The following OSMR variants were observed in gnomAD, a reference collection of about 807,000 sequenced individuals.
The protein encoded by OSMR is oncostatin M receptor, also known as oncostatin-M-specific receptor subunit beta.
Under a neutral mutation model 99.9 loss-of-function variants are expected in OSMR, and 81 were observed. The observed-to-expected ratio is 0.81, with a 90% CI of 0.68 to 0.97. The LOEUF (loss-of-function observed/expected upper bound fraction) is 0.97. Ranked by LOEUF, OSMR falls within the 50% of genes least tolerant of loss-of-function variation. The pLI is 0.00. For missense variants in OSMR, 1,099 were observed against 1,153.4 expected (o/e 0.95, Z 0.68); for synonymous variants, 406 against 410.4 (o/e 0.99, Z 0.13).
intron 10 of OSMR, 90 bp from the exon 11 acceptor site, chr5:38,918,750 G>T: frequency 3.2e-6 from 5 of 1,560,276 alleles, no homozygotes; most frequent in Non-Finnish European, 4.3e-6. Context: ...GTATATAAAG[G>T]AGTTGAGGGA....
chr5:38,887,240 A>AT (rs1171356271), intron 7 of OSMR, among the ~76,000 whole-genome samples: 2 of 152,202 alleles, frequency 1.3e-5, no homozygotes, highest in African/African-American at 2.4e-5. Flanking sequence ...AAAGTTTATC[A>AT]TTTTTAAAGC....
At chr5:38,882,592 A>G (rs1743376821) in intron 4 of OSMR, among the ~76,000 whole-genome samples, 1 of 151,878 alleles carries the variant, frequency 6.6e-6, no homozygotes, top group South Asian at 2.1e-4. Flanking sequence ...CACACCAAAA[A>G]AACAACAGAT....
At chr5:38,888,067 G>T (rs1743909771) in intron 7 of OSMR, among the ~76,000 whole-genome samples, 1 of 152,104 alleles carries the variant, frequency 6.6e-6, no homozygotes, top group African/African-American at 2.4e-5. Context: ...TCCTCCATGC[G>T]AGACAGACGG....
rs1027777362 is a variant in OSMR, at chr5:38,934,869, CTT to C, written c.*1426_*1427del. The C allele has an allele frequency of 7.2e-5, 11 of 152,076 alleles. No individual in the cohort carries two copies. The highest frequency in any genetic ancestry group is 2.2e-4 in the African/African-American group (9 of 41,380). The allele number at this position is 152,076 out of a possible 1,614,324, so 9.4% of individuals were successfully genotyped here. A position where few individuals can be genotyped will look rare whatever the true frequency, so the allele number is the denominator to read the frequency against. ...TTATTTTTTGAGATGAAATTTCGCT[CTT>C]GTTGCCCAGGCTGGAGTGCAATGGT... On this transcript the variant is annotated 3_prime_UTR_variant, in exon 18 of 18. Coordinates refer to ENST00000274276, the MANE Select transcript of OSMR (RefSeq NM_003999.3).
chr5:38,898,496 T>G (rs2112502408), intron 7 of OSMR, among the ~76,000 whole-genome samples: 1 of 152,322 alleles, frequency 6.6e-6, no homozygotes, highest in East Asian at 1.9e-4. Context: ...CTTTATAGGC[T>G]AAGTGCATTT....
intron 14 of OSMR, 23 bp from the exon 15 acceptor site, chr5:38,925,181 A>T: frequency 1.2e-6 from 2 of 1,613,556 alleles, no homozygotes; most frequent in South Asian, 1.1e-5. Flanking sequence ...TCCTTGAAAA[A>T]AAAACCATTT....
intron 13 of OSMR, among the ~76,000 whole-genome samples, chr5:38,923,554 A>G (rs1019346339): frequency 3.7e-4 from 56 of 152,216 alleles, no homozygotes; most frequent in Admixed American, 3.7e-3. Flanking sequence ...ATGAAGTCTT[A>G]AAGATAGGAT....
intron 13 of OSMR, 44 bp downstream of exon 13, chr5:38,923,298 A>C: frequency 3.4e-6 from 4 of 1,193,896 alleles, no homozygotes; most frequent in Non-Finnish European, 3.8e-6. Context: ...AGACTTGTTC[A>C]GAACAATTCA....
At position 38,923,223 on chromosome 5, in the gene OSMR, A is replaced by G; in HGVS notation, c.1839A>G (p.Leu613=). 2.5e-6 allele frequency: 4 copies of G among 1,609,958 alleles called. No homozygotes were observed. The highest frequency in any genetic ancestry group is 3.4e-6 in the Non-Finnish European group (4 of 1,176,278). ...CTACAAAAAGGATTGCTTGTTTATT[A>G]GAGAAAAAAACAGGATACTCTCAGG... is the stretch of plus-strand genomic sequence containing the variant. ...GLSTKRIACL[L]EKKTGYSQEL... is the part of the protein sequence containing the mutation. Residue 613 remains leucine (L), a synonymous_variant, in exon 13 of 18, where the codon TTA becomes TTG. Transcript: ENST00000274276.
intron 8 of OSMR, 109 bp downstream of exon 8, chr5:38,904,133 GGT>G: frequency 3.2e-6 from 5 of 1,549,598 alleles, no homozygotes; most frequent in Non-Finnish European, 4.4e-6. Context: ...AGGTTCAAAT[GGT>G]GTGGGTCATC....
chr5:38,882,160 T>C (rs1307690493), intron 4 of OSMR, among the ~76,000 whole-genome samples: 1 of 152,210 alleles, frequency 6.6e-6, no homozygotes, highest in African/African-American at 2.4e-5. Flanking sequence ...AGATAAGAGA[T>C]AGTATAAGCT....
chr5:38,941,110 T>C (rs1274621713), intron 1 of OSMR: 1 of 232,810 alleles, frequency 4.3e-6, no homozygotes, highest in African/African-American at 2.2e-5. Flanking sequence ...CAAATACCTT[T>C]AGACATATAC....
chr5:38,883,989 A>G lies in OSMR; in HGVS notation c.581A>G (p.His194Arg), dbSNP rs895790017. The G allele has an allele frequency of 1.9e-6, 3 of 1,613,174 alleles. No homozygotes were observed. The highest frequency in any genetic ancestry group is 2.2e-5 in the East Asian group (1 of 44,868). ...KQIHGEQLDP[H>R]VTAFNLNSVP... ...ATTCATGGAGAACAACTTGATCCAC[A>G]TGTAACTGCATTCAACTTGAATAGT... The change falls in exon 5 of 18, where the codon CAT becomes CGT. Residue 194 changes from histidine (H) to arginine (R), a missense_variant. His to Arg is a conservative substitution (Grantham distance 29). Coordinates refer to ENST00000274276, the MANE Select transcript of OSMR (RefSeq NM_003999.3).
chr5:38,869,786 T>C (rs78871624), intron 2 of OSMR, among the ~76,000 whole-genome samples: 3,261 of 152,302 alleles, frequency 0.021, 130 homozygotes, highest in African/African-American at 0.075. Context: ...TGTTTAGAAG[T>C]AGATCTTAGA....
At chr5:38,848,093 C>G (rs927760041) in intron 1 of OSMR, among the ~76,000 whole-genome samples, 4 of 152,156 alleles carry the variant, frequency 2.6e-5, no homozygotes, top group African/African-American at 9.7e-5. Flanking sequence ...CTGTATTTAA[C>G]AAGAAGAAGG....
intron 1 of OSMR, among the ~76,000 whole-genome samples, chr5:38,856,791 G>C (rs1339397524): frequency 6.6e-6 from 1 of 152,142 alleles, no homozygotes; most frequent in Non-Finnish European, 1.5e-5. Flanking sequence ...AGGGGCACGT[G>C]CCACCATGCC....
chr5:38,938,147 A>G (rs1463314579), downstream of OSMR: 4 of 215,588 alleles, frequency 1.9e-5, no homozygotes, highest in Admixed American at 5.8e-5. Context: ...TTTTCTTTCT[A>G]TGTTACAGTT....
Position 38,883,982 on chromosome 5 carries a change from G to C in OSMR, c.574G>C (p.Asp192His). 6.2e-7 allele frequency: 1 copy of C among 1,613,700 alleles called. No homozygotes were observed. The highest frequency in any genetic ancestry group is 8.5e-7 in the Non-Finnish European group (1 of 1,179,626). Residue 192 changes from aspartate (D) to histidine (H), a missense_variant, in exon 5 of 18, where the codon GAT (aspartate) becomes CAT (histidine). Physicochemically the swap from Asp to His is moderately conservative, Grantham distance 81 (BLOSUM62 -1). Coordinates refer to ENST00000274276, the MANE Select transcript of OSMR (RefSeq NM_003999.3). ...GAAACAGATTCATGGAGAACAACTT[G>C]ATCCACATGTAACTGCATTCAACTT... ...EGKQIHGEQL[D>H]PHVTAFNLNS...
At chr5:38,910,776 C>G (rs749091832) in intron 9 of OSMR, among the ~76,000 whole-genome samples, 1 of 152,106 alleles carries the variant, frequency 6.6e-6, no homozygotes, top group African/African-American at 2.4e-5. Context: ...TTTGGGAGGC[C>G]AACGTGGGCA....
Sources: gnomAD v4.1 joint callset for allele counts (sites outside exome capture counted in the v4.1 genomes callset) on GRCh38, gnomAD v4.1.1 for gene constraint, MANE v1.5 for transcripts, NCBI Gene and HGNC (gene_info 2026-07-23, HGNC 2026-07-21) for gene names.